The following HOOK3 variants were observed in gnomAD, a reference collection of about 807,000 sequenced individuals.
HOOK3 encodes the protein hook microtubule tethering protein 3.
Under a neutral mutation model 116.3 loss-of-function variants are expected in HOOK3, and 24 were observed. The observed-to-expected ratio is 0.21, with a 90% CI of 0.15 to 0.29. The LOEUF is 0.29. Ranked by LOEUF, HOOK3 falls within the 10% of genes least tolerant of loss-of-function variation. The probability of loss-of-function intolerance (pLI) is 1.00; values close to 1 mark genes in which losing one functional copy is unlikely to be tolerated. For missense variants in HOOK3, 632 were observed against 830.2 expected (o/e 0.76, Z 2.93); for synonymous variants, 275 against 283.0 (o/e 0.97, Z 0.28).
intron 4 of HOOK3, among the ~76,000 whole-genome samples, chr8:42,942,831 T>A (rs1455845685): frequency 6.6e-6 from 1 of 152,218 alleles, no homozygotes; most frequent in Admixed American, 6.5e-5. Context: ...AATCATTTCA[T>A]GTGGGAACAG....
intron 7 of HOOK3, among the ~76,000 whole-genome samples, chr8:42,958,494 T>C (rs1808475596): frequency 6.6e-6 from 1 of 152,058 alleles, no homozygotes; most frequent in Admixed American, 6.6e-5. Flanking sequence ...CTGTACAAAA[T>C]TAACATAAGG....
rs538077711 is a variant in HOOK3 at position 42,959,517 on chromosome 8, G to A, written c.615+203G>A. ...GCGGGTCACTTGAGCTCAAGAATTC[G>A]AGACCAGCCTGGCCAACATGGTGAA... is the stretch of plus-strand genomic sequence containing the variant. On this transcript the variant is annotated intron_variant, in intron 8 of 21. Coordinates refer to ENST00000307602, the MANE Select transcript of HOOK3 (RefSeq NM_032410.4). 8.5e-4 allele frequency among the ~76,000 whole-genome samples: 129 copies of A among 151,974 alleles called. 1 individual carries two copies. The South Asian group carries it at 0.011, about 13-fold the overall frequency.
In HOOK3 at chr8:43,024,919, C is replaced by T. The variant is rs886379538; in HGVS notation, c.*6421C>T. 2 of 207,846 alleles carry T rather than the reference C, an allele frequency of 9.6e-6. No homozygotes were observed. Among genetic ancestry groups the T allele is most frequent in the Middle Eastern group, 1.5e-3 (1 of 666 alleles). 12.9% of individuals were successfully genotyped at this position (207,846 alleles called of 1,614,324 possible). On this transcript the variant is annotated 3_prime_UTR_variant, in exon 22 of 22. Transcript: ENST00000307602. ...GGTGGCATCCATCTCTTTTAAATCA[C>T]TGATGATTTTCTGGGGAAGTATATA... is the stretch of plus-strand genomic sequence containing the variant.
intron 17 of HOOK3, among the ~76,000 whole-genome samples, chr8:43,004,481 G>A (rs1234081808): frequency 6.6e-6 from 1 of 151,550 alleles, no homozygotes; most frequent in Non-Finnish European, 1.5e-5. Context: ...AGGAGTTCGA[G>A]ACCAGCCTGG....
At chr8:42,997,679 A>G (rs771991224) in intron 16 of HOOK3, 42 bp downstream of exon 16, 1 of 1,017,888 alleles carries the variant, frequency 9.8e-7, no homozygotes, top group East Asian at 2.4e-5. Context: ...TCAGTTTCAC[A>G]ATGTTGAGAA....
At chr8:42,964,595 G>A (rs969723579) in intron 9 of HOOK3, 121 bp downstream of exon 9, 2 of 817,232 alleles carry the variant, frequency 2.4e-6, no homozygotes, top group Non-Finnish European at 3.7e-6. Flanking sequence ...GGGAGGCTGA[G>A]GCGGGCTGAT....
chr8:42,903,490 G>A (rs1186145324), intron 1 of HOOK3, among the ~76,000 whole-genome samples: 2 of 149,738 alleles, frequency 1.3e-5, no homozygotes, highest in Admixed American at 6.6e-5. Flanking sequence ...GACTACAGGC[G>A]CCCGCCACAG....
At chr8:42,960,100 AAG>A (rs1316212718) in intron 8 of HOOK3, among the ~76,000 whole-genome samples, 17 of 152,242 alleles carry the variant, frequency 1.1e-4, no homozygotes, top group Non-Finnish European at 4.4e-5. Context: ...TACAAATGCT[AAG>A]AGTTATACTA....
intron 11 of HOOK3, among the ~76,000 whole-genome samples, chr8:42,972,404 CT>C (rs1181853313): frequency 6.6e-6 from 1 of 152,066 alleles, no homozygotes; most frequent in Non-Finnish European, 1.5e-5. Flanking sequence ...CAAGTTACCC[CT>C]TTTTTCTTTC....
At chr8:42,936,065 CT>C (rs1371288227) in intron 4 of HOOK3, among the ~76,000 whole-genome samples, 1 of 152,104 alleles carries the variant, frequency 6.6e-6, no homozygotes, top group Non-Finnish European at 1.5e-5. Context: ...CTCTTATTTC[CT>C]TGAGCAGTGG....
intron 15 of HOOK3, chr8:42,994,284 G>T (rs1304027601): frequency 9.5e-6 from 2 of 210,750 alleles, no homozygotes; most frequent in Non-Finnish European, 2.0e-5. Flanking sequence ...CCAAAGTGCT[G>T]GGGTTATAGA....
chr8:42,904,306 CTT>C (rs753501072), intron 1 of HOOK3, among the ~76,000 whole-genome samples: 28 of 122,430 alleles, frequency 2.3e-4, no homozygotes, highest in Admixed American at 1.7e-4. Flanking sequence ...CCGGTATGAT[CTT>C]TTTTTTTTTT....
intron 13 of HOOK3, among the ~76,000 whole-genome samples, chr8:42,974,396 G>T (rs1412939363): frequency 6.6e-6 from 1 of 151,990 alleles, no homozygotes; most frequent in Admixed American, 6.6e-5. Flanking sequence ...ACACCACCAC[G>T]CCCAGCTAAT....
At chr8:42,982,399 T>C (rs1278526704) in intron 13 of HOOK3, among the ~76,000 whole-genome samples, 2 of 151,500 alleles carry the variant, frequency 1.3e-5, no homozygotes, top group African/African-American at 4.9e-5. Context: ...GTAGTAGTGA[T>C]GGTTACACAA....
At chr8:42,905,325 T>TGGGG (rs113737597) in intron 1 of HOOK3, among the ~76,000 whole-genome samples, 2 of 99,158 alleles carry the variant, frequency 2.0e-5, no homozygotes, top group African/African-American at 9.3e-5. Context: ...TTTCTTTTTT[T>TGGGG]GGGGGGGGGG....
intron 4 of HOOK3, among the ~76,000 whole-genome samples, chr8:42,942,947 T>C (rs111984011): frequency 6.6e-6 from 1 of 152,374 alleles, no homozygotes; most frequent in Non-Finnish European, 1.5e-5. Flanking sequence ...AGAATCTTAC[T>C]GTTGGGGACA....
rs901619716 is a variant in HOOK3, at chr8:43,023,400, T to C, written c.*4902T>C. On this transcript the variant is annotated 3_prime_UTR_variant, in exon 22 of 22. Coordinates refer to ENST00000307602, the MANE Select transcript of HOOK3 (RefSeq NM_032410.4). ...TCTCCTTCCTTCCTCCTTCCTTCCT[T>C]CCTTCCTTCCTTCCTTCCTTCCCTT... The C allele has an allele frequency of 4.9e-5, 8 of 162,950 alleles. No homozygotes were observed. The highest frequency in any genetic ancestry group is 2.0e-4 in the African/African-American group (8 of 40,634). The allele number at this position is 162,950 out of a possible 1,614,324, so 10.1% of individuals were successfully genotyped here.
At chr8:43,003,855 G>A (rs1461864507) in intron 17 of HOOK3, among the ~76,000 whole-genome samples, 1 of 152,072 alleles carries the variant, frequency 6.6e-6, no homozygotes. Context: ...TGTGTCTAAT[G>A]ACCTTCTTAT....
At chr8:42,963,839 C>T (rs1374794419) in intron 8 of HOOK3, among the ~76,000 whole-genome samples, 1 of 152,178 alleles carries the variant, frequency 6.6e-6, no homozygotes, top group Non-Finnish European at 1.5e-5. Context: ...GTTACTCTTA[C>T]ATCTTGCTCT....
Sources: gnomAD v4.1 joint callset for allele counts (sites outside exome capture counted in the v4.1 genomes callset) on GRCh38, gnomAD v4.1.1 for gene constraint, MANE v1.5 for transcripts, NCBI Gene and HGNC (gene_info 2026-07-23, HGNC 2026-07-21) for gene names.